ADK: variants seen among roughly 807,000 people sequenced by gnomAD.
The protein encoded by ADK is N6,N6-dimethyladenosine kinase.
A neutral mutation model predicts 44.7 loss-of-function variants in ADK; 24 were observed. The ratio of observed to expected loss-of-function variants is 0.54; its 90% CI spans 0.39 to 0.76. ADK has a LOEUF of 0.76. Among genes scored for constraint, ADK ranks in the 30% least tolerant of loss-of-function variants. ADK has a pLI of 0.00. For missense variants in ADK, 321 were observed against 425.1 expected (o/e 0.76, Z 2.15); for synonymous variants, 128 against 142.6 (o/e 0.90, Z 0.73).
chr10:74,692,573 G>A (rs899757597), intron 10 of ADK, among the ~76,000 whole-genome samples: 3 of 152,168 alleles, frequency 2.0e-5, no homozygotes, highest in African/African-American at 7.2e-5. Flanking sequence ...ATGAAAGAAG[G>A]CAGTCTTAAA....
intron 10 of ADK, among the ~76,000 whole-genome samples, chr10:74,671,251 G>A (rs1702896400): frequency 6.7e-6 from 1 of 148,788 alleles, no homozygotes. Context: ...AGGCTGGTGT[G>A]CAGTGGTGCA....
intron 4 of ADK, among the ~76,000 whole-genome samples, chr10:74,344,171 A>G (rs1841680450): frequency 6.6e-6 from 1 of 152,150 alleles, no homozygotes; most frequent in Non-Finnish European, 1.5e-5. Flanking sequence ...ATTTTAGAGT[A>G]TCATAGTAAT....
intron 3 of ADK, among the ~76,000 whole-genome samples, chr10:74,231,382 A>G (rs1844756578): frequency 6.6e-6 from 1 of 152,208 alleles, no homozygotes; most frequent in African/African-American, 2.4e-5. Flanking sequence ...CCTTTTCTCT[A>G]GAACACATCA....
At chr10:74,358,767 G>A (rs773557045) in intron 4 of ADK, among the ~76,000 whole-genome samples, 6 of 152,156 alleles carry the variant, frequency 3.9e-5, no homozygotes, top group Non-Finnish European at 7.3e-5. Flanking sequence ...CAACATTTTG[G>A]AAGTGCAGAT....
intron 9 of ADK, among the ~76,000 whole-genome samples, chr10:74,620,883 G>A (rs1852970344): frequency 2.0e-5 from 3 of 151,976 alleles, no homozygotes. Context: ...TTAAAACAGA[G>A]TAGAGTTTTT....
intron 7 of ADK, among the ~76,000 whole-genome samples, chr10:74,536,446 A>G (rs1849451089): frequency 6.6e-6 from 1 of 150,896 alleles, no homozygotes; most frequent in African/African-American, 2.4e-5. Flanking sequence ...TATAATTACT[A>G]AATGATACAA....
intron 7 of ADK, among the ~76,000 whole-genome samples, chr10:74,572,470 C>G (rs1851004375): frequency 6.6e-6 from 1 of 152,108 alleles, no homozygotes; most frequent in Non-Finnish European, 1.5e-5. Flanking sequence ...GTGAATCTGA[C>G]AGTTATGTGT....
At chr10:74,496,942 C>A (rs1230458676) in intron 6 of ADK, among the ~76,000 whole-genome samples, 1 of 152,120 alleles carries the variant, frequency 6.6e-6, no homozygotes, top group Non-Finnish European at 1.5e-5. Context: ...GCAGTCCAAA[C>A]AGAACCTATT....
At chr10:74,577,484 T>TC (rs1450494401) in intron 7 of ADK, among the ~76,000 whole-genome samples, 1 of 152,122 alleles carries the variant, frequency 6.6e-6, no homozygotes, top group East Asian at 1.9e-4. Context: ...CTTTTTTCTT[T>TC]CAACTATTGC....
intron 3 of ADK, among the ~76,000 whole-genome samples, chr10:74,303,588 G>GTTGTTTTTTTTTTTTTTTTTTT (rs1840139803): frequency 5.8e-5 from 4 of 68,576 alleles, no homozygotes; most frequent in African/African-American, 2.4e-4. Context: ...TTTTAATGTT[G>GTTGTTTTTTTTTTTTTTTTTTT]TTTTTTTTTT....
intron 7 of ADK, among the ~76,000 whole-genome samples, chr10:74,588,680 G>A (rs915008706): frequency 3.3e-5 from 5 of 152,086 alleles, no homozygotes; most frequent in Admixed American, 1.3e-4. Flanking sequence ...TGATAGCATC[G>A]ATCACTGGGT....
chr10:74,429,617 T>C (rs557263448), intron 6 of ADK, among the ~76,000 whole-genome samples: 1 of 152,290 alleles, frequency 6.6e-6, no homozygotes, highest in African/African-American at 2.4e-5. Flanking sequence ...TAAGAAAGTT[T>C]TCATGACCAG....
At chr10:74,423,755 CT>C in intron 6 of ADK, 8 of 414,318 alleles carry the variant, frequency 1.9e-5, no homozygotes, top group Admixed American at 2.8e-5. Flanking sequence ...GCAAATGTAT[CT>C]TTTTTGGTGA....
At chr10:74,641,313 C>A (rs1360129460) in intron 9 of ADK, 1 of 152,044 alleles carries the variant, frequency 6.6e-6, no homozygotes, top group Non-Finnish European at 1.5e-5. Flanking sequence ...TTGAGACCAC[C>A]CTGGGCAACA....
intron 9 of ADK, among the ~76,000 whole-genome samples, chr10:74,607,555 G>T (rs572951506): frequency 3.9e-5 from 6 of 152,222 alleles, no homozygotes; most frequent in Admixed American, 2.0e-4. Context: ...GTTGAATGTT[G>T]GTCCTCACTC....
rs117100193 is a variant in ADK, at chr10:74,528,015, G to A, written c.726+2589G>A. 842 of 839,762 alleles carry A rather than the reference G, an allele frequency of 1.0e-3. 11 individuals carry two copies. In the East Asian group the frequency reaches 0.019, roughly 19 times the overall value. 52.0% of individuals were successfully genotyped at this position (839,762 alleles called of 1,614,324 possible). A position where few individuals can be genotyped will look rare whatever the true frequency, so the allele number is the denominator to read the frequency against. On this transcript the variant is annotated intron_variant, in intron 7 of 10. Coordinates refer to ENST00000539909, the MANE Select transcript of ADK (RefSeq NM_006721.4). ...CACCTGCAAGAAAAAAGCGATTGAGGGAATTTGTATTCGGCAATAAAACCC... is the reference window on the plus strand; with the variant it reads ...CACCTGCAAGAAAAAAGCGATTGAGAGAATTTGTATTCGGCAATAAAACCC...
chr10:74,380,059 C>T (rs1842931435), intron 4 of ADK, among the ~76,000 whole-genome samples: 1 of 152,150 alleles, frequency 6.6e-6, no homozygotes, highest in African/African-American at 2.4e-5. Flanking sequence ...TCTTTGCCTG[C>T]CTCCCACTCT....
intron 7 of ADK, among the ~76,000 whole-genome samples, chr10:74,538,409 A>C (rs1464888491): frequency 6.6e-6 from 1 of 152,188 alleles, no homozygotes; most frequent in African/African-American, 2.4e-5. Context: ...ACACCAAGAA[A>C]ATGGAAATTA....
At chr10:74,201,642 G>GTATA (rs760115034) in intron 2 of ADK, among the ~76,000 whole-genome samples, 1,831 of 139,856 alleles carry the variant, frequency 0.013, 34 homozygotes, top group African/African-American at 0.033. Flanking sequence ...GTGTGTGTGT[G>GTATA]TATATGTATG....
Sources: allele counts gnomAD v4.1 joint callset (sites outside exome capture counted in the v4.1 genomes callset), GRCh38; gene constraint gnomAD v4.1.1; transcripts MANE v1.5; gene names NCBI Gene and HGNC (gene_info 2026-07-23, HGNC 2026-07-21).